FLT1: variants seen among roughly 807,000 people sequenced by gnomAD.
The protein encoded by FLT1 is vascular endothelial growth factor receptor 1.
In FLT1, 49 loss-of-function variants were observed where a neutral mutation model predicts 156.3. That is an observed-to-expected ratio of 0.31 (90% CI 0.25 to 0.40). The LOEUF is 0.40. Among genes scored for constraint, FLT1 ranks in the 10% least tolerant of loss-of-function variants. The pLI is 1.00. For missense variants in FLT1, 1,322 were observed against 1,637.2 expected, an observed-to-expected ratio of 0.81 and a Z score of 3.32; for synonymous variants, 594 against 583.8, an observed-to-expected ratio of 1.02 and a Z score of -0.25.
chr13:28,467,628 A>C lies in FLT1; in HGVS notation c.65-11T>G. 2.1e-6 allele frequency: 3 copies of C among 1,428,080 alleles called. No homozygotes were observed. The highest frequency in any genetic ancestry group is 2.0e-6 in the Non-Finnish European group (2 of 1,024,132). The allele number at this position is 1,428,080 out of a possible 1,614,324, so 88.5% of individuals were successfully genotyped here. ...AACCTGAACTAGATCCTGAAAAACAAATTTTTAAAATGTATTATTTGTAAA... is the reference window on the plus strand; with the variant it reads ...AACCTGAACTAGATCCTGAAAAACACATTTTTAAAATGTATTATTTGTAAA... On this transcript the variant is annotated splice_polypyrimidine_tract_variant and intron_variant, in intron 1 of 29. Coordinates refer to ENST00000282397, the MANE Select transcript of FLT1 (RefSeq NM_002019.4).
intron 27 of FLT1, among the ~76,000 whole-genome samples, chr13:28,309,953 G>C (rs1304516773): frequency 1.6e-5 from 2 of 128,156 alleles, no homozygotes; most frequent in African/African-American, 5.7e-5. Flanking sequence ...GCAGTGGCAC[G>C]ATCTCGGCTC....
rs184325842 is a variant in FLT1 at position 28,313,156 on chromosome 13, T to C, written c.3387-1058A>G. Among the ~76,000 whole-genome samples, 55 of 152,088 alleles carry C rather than the reference T, an allele frequency of 3.6e-4. No individual in the cohort carries two copies. In the East Asian group the frequency reaches 0.011, roughly 29 times the overall value. Reference sequence around the variant, plus strand: ...ACCACACCTGGTTAATTTTTGTATTTTTAGTAGAGATGGGGTTTTATCATG... The same window carrying C: ...ACCACACCTGGTTAATTTTTGTATTCTTAGTAGAGATGGGGTTTTATCATG... On this transcript the variant is annotated intron_variant, in intron 25 of 29. Coordinates refer to ENST00000282397, the MANE Select transcript of FLT1 (RefSeq NM_002019.4).
At chr13:28,315,542 C>T (rs1323014601) in intron 25 of FLT1, among the ~76,000 whole-genome samples, 2 of 151,972 alleles carry the variant, frequency 1.3e-5, no homozygotes, top group Non-Finnish European at 1.5e-5. Context: ...GACAACAGAG[C>T]GAGACACTAT....
chr13:28,330,176 A>G (rs1566289329), intron 18 of FLT1, among the ~76,000 whole-genome samples: 1 of 152,180 alleles, frequency 6.6e-6, no homozygotes, highest in African/African-American at 2.4e-5. Flanking sequence ...CAGAATGGCT[A>G]CTGTTGTAAA....
chr13:28,347,240 T>C (rs570100208), intron 15 of FLT1, among the ~76,000 whole-genome samples: 12 of 152,150 alleles, frequency 7.9e-5, no homozygotes, highest in African/African-American at 2.9e-4. Context: ...GACCCAGACC[T>C]GGCCAAGTGC....
At position 28,467,590 on chromosome 13, in the gene FLT1, T is replaced by A; in HGVS notation, c.92A>T (p.Asp31Val). 6.2e-7 allele frequency: 1 copy of A among 1,608,116 alleles called. No homozygotes were observed. The highest frequency in any genetic ancestry group is 8.5e-7 in the Non-Finnish European group (1 of 1,176,342). Reference protein sequence around the residue: ...TGSSSGSKLKDPELSLKGTQH... With the variant: ...TGSSSGSKLKVPELSLKGTQH... ...GGTGCCTTTTAAACTCAGTTCAGGATCTTTTAATTTTGAACCTGAACTAGA... is the reference window on the plus strand; with the variant it reads ...GGTGCCTTTTAAACTCAGTTCAGGAACTTTTAATTTTGAACCTGAACTAGA... Residue 31 changes from aspartate (D) to valine (V), a missense_variant, in exon 2 of 30, where the codon GAT becomes GTT. By Grantham distance (152) the Asp-to-Val change is radical (BLOSUM62 -3). Around this residue, in one of 3 missense-constraint regions of FLT1, gnomAD observed 991 missense variants for 1,254.8 expected, o/e 0.79. Coordinates refer to ENST00000282397, the MANE Select transcript of FLT1 (RefSeq NM_002019.4).
At chr13:28,336,885 C>G (rs137879983) in intron 17 of FLT1, among the ~76,000 whole-genome samples, 81 of 151,796 alleles carry the variant, frequency 5.3e-4, no homozygotes, top group Non-Finnish European at 2.5e-4. Flanking sequence ...GTAGCTGGGA[C>G]TACAGGCACG....
intron 14 of FLT1, among the ~76,000 whole-genome samples, chr13:28,370,734 T>C (rs926157784): frequency 1.3e-5 from 2 of 152,256 alleles, no homozygotes; most frequent in African/African-American, 4.8e-5. Flanking sequence ...ATTTGTAAAC[T>C]GTGAACACAT....
intron 17 of FLT1, among the ~76,000 whole-genome samples, chr13:28,336,972 T>C (rs1341534806): frequency 1.3e-5 from 2 of 152,006 alleles, no homozygotes; most frequent in Admixed American, 6.6e-5. Flanking sequence ...GGTCTCGAAC[T>C]CCTGACCTCA....
At chr13:28,469,128 A>G (rs1017826592) in intron 1 of FLT1, among the ~76,000 whole-genome samples, 3 of 152,192 alleles carry the variant, frequency 2.0e-5, no homozygotes, top group African/African-American at 7.2e-5. Flanking sequence ...TGAGGGGCCC[A>G]GGATTAGCGT....
intron 3 of FLT1, among the ~76,000 whole-genome samples, chr13:28,454,935 T>C (rs996436553): frequency 3.3e-5 from 5 of 152,094 alleles, no homozygotes; most frequent in African/African-American, 1.2e-4. Flanking sequence ...TAGACATAAG[T>C]CTATCAAAAT....
chr13:28,354,501 C>T (rs1382593686), intron 15 of FLT1, among the ~76,000 whole-genome samples: 5 of 152,312 alleles, frequency 3.3e-5, no homozygotes, highest in South Asian at 2.1e-4. Flanking sequence ...TTGTTACCCC[C>T]ATGTTGTCTC....
intron 11 of FLT1, chr13:28,398,974 T>C: frequency 9.9e-7 from 1 of 1,008,954 alleles, no homozygotes; most frequent in Admixed American, 2.0e-5. Flanking sequence ...GATGAATCTT[T>C]TTAAGAGGTG....
At chr13:28,374,832 A>C (rs574825559) in intron 14 of FLT1, among the ~76,000 whole-genome samples, 1 of 152,166 alleles carries the variant, frequency 6.6e-6, no homozygotes, top group South Asian at 2.1e-4. Flanking sequence ...CTTATGTCCT[A>C]AATTTTTCAT....
chr13:28,481,645 G>T (rs1465385689), intron 1 of FLT1, among the ~76,000 whole-genome samples: 1 of 152,218 alleles, frequency 6.6e-6, no homozygotes, highest in Non-Finnish European at 1.5e-5. Context: ...GCAAAGATGG[G>T]TCAGAAACAT....
intron 16 of FLT1, among the ~76,000 whole-genome samples, chr13:28,341,831 A>G (rs1392937546): frequency 6.6e-6 from 1 of 152,198 alleles, no homozygotes; most frequent in Non-Finnish European, 1.5e-5. Context: ...TTTTAGAAAT[A>G]GAAGGCACCT....
chr13:28,444,190 C>A (rs1878481841), intron 3 of FLT1, among the ~76,000 whole-genome samples: 1 of 152,034 alleles, frequency 6.6e-6, no homozygotes, highest in African/African-American at 2.4e-5. Flanking sequence ...GTCTGTAATC[C>A]CAGCACTTTG....
intron 18 of FLT1, among the ~76,000 whole-genome samples, chr13:28,330,175 TAC>T (rs763304602): frequency 4.6e-5 from 7 of 152,258 alleles, no homozygotes; most frequent in Non-Finnish European, 8.8e-5. Flanking sequence ...GCAGAATGGC[TAC>T]TGTTGTAAAC....
intron 13 of FLT1, chr13:28,389,148 A>T (rs1874549394): frequency 4.4e-6 from 1 of 224,826 alleles, no homozygotes; most frequent in Non-Finnish European, 5.2e-6. Context: ...GCTTAACGTA[A>T]AAAAAAAAAA....
Sources: gnomAD v4.1 joint callset for allele counts (sites outside exome capture counted in the v4.1 genomes callset) on GRCh38, gnomAD v4.1.1 for gene constraint, gnomAD v4.1.1 regional missense constraint, MANE v1.5 for transcripts, NCBI Gene and HGNC (gene_info 2026-07-23, HGNC 2026-07-21) for gene names.